RGS22: variants seen among roughly 807,000 people sequenced by gnomAD.
RGS22 encodes regulator of G-protein signaling 22.
A neutral mutation model predicts 172.9 loss-of-function variants in RGS22; 148 were observed. The ratio of observed to expected loss-of-function variants is 0.86; its 90% CI spans 0.75 to 0.98. The LOEUF (loss-of-function observed/expected upper bound fraction) is 0.98, where lower values mean the gene tolerates loss of function less well. RGS22 is among the 50% of genes least tolerant of loss of function. RGS22 has a pLI of 0.00. For missense variants in RGS22, 1,347 were observed against 1,440.8 expected (o/e 0.93, Z 1.05); for synonymous variants, 458 against 480.2 (o/e 0.95, Z 0.60).
At chr8:99,969,302 G>A (rs1328182257) in intron 23 of RGS22, among the ~76,000 whole-genome samples, 1 of 152,164 alleles carries the variant, frequency 6.6e-6, no homozygotes, top group Non-Finnish European at 1.5e-5. Flanking sequence ...AAAATGGAAA[G>A]ACCAATGACA....
At chr8:100,032,796 C>A (rs1158003552) in intron 14 of RGS22, among the ~76,000 whole-genome samples, 57 of 151,966 alleles carry the variant, frequency 3.8e-4, no homozygotes, top group Non-Finnish European at 6.9e-4. Flanking sequence ...ATGTAAAAGA[C>A]CAGAAATCAC....
intron 4 of RGS22, among the ~76,000 whole-genome samples, chr8:100,072,779 G>C (rs375648860): frequency 3.3e-5 from 5 of 151,640 alleles, no homozygotes; most frequent in African/African-American, 1.2e-4. Context: ...GGAGCCTACA[G>C]AGACACTCAA....
chr8:99,996,099 T>C (rs1814335499), intron 20 of RGS22, among the ~76,000 whole-genome samples: 3 of 15,368 alleles, frequency 2.0e-4, no homozygotes, highest in African/African-American at 2.9e-4. Context: ...CACCACACAC[T>C]GGGGCCTGTT....
Position 99,962,452 on chromosome 8 carries a change from G to A in RGS22, c.3791-9C>T. On this transcript the variant is annotated splice_polypyrimidine_tract_variant and intron_variant, in intron 26 of 27. Coordinates refer to ENST00000360863, the MANE Select transcript of RGS22 (RefSeq NM_015668.5). ...ACAAGAATGCTGTCACTCTGGAAAA[G>A]ACATGAAGTTTTATGTATATATTTA... The A allele has an allele frequency of 6.2e-7, 1 of 1,613,150 alleles. No homozygotes were observed. The highest frequency in any genetic ancestry group is 8.5e-7 in the Non-Finnish European group (1 of 1,179,194).
rs1232435396 is a variant in RGS22, at chr8:99,965,366, G to A, written c.3584C>T (p.Ser1195Phe). 2 of 1,613,500 alleles carry A rather than the reference G, an allele frequency of 1.2e-6. No homozygotes were observed. Among genetic ancestry groups the A allele is most frequent in the East Asian group, 2.2e-5 (1 of 44,858 alleles). The stretch of plus-strand genomic sequence containing the variant: ...GCCATATGGTTGGAGGCCTAGGAAG[G>A]AATCACTGAGTAAAGCAGTTTTGAT... ...PAIKTALLSD[S>F]FLGLQPYGRQ... Residue 1195 changes from serine to phenylalanine, a missense_variant, in exon 24 of 28, where the codon TCC becomes TTC. Physicochemically the swap from Ser to Phe is radical, Grantham distance 155. Coordinates refer to ENST00000360863, the MANE Select transcript of RGS22 (RefSeq NM_015668.5).
At chr8:100,004,883 T>C (rs1161815153) in intron 16 of RGS22, among the ~76,000 whole-genome samples, 4 of 151,844 alleles carry the variant, frequency 2.6e-5, no homozygotes, top group Admixed American at 6.6e-5. Context: ...TGACCTCTGA[T>C]GTTTTGTGAA....
At chr8:99,994,558 G>A (rs945368022) in intron 20 of RGS22, among the ~76,000 whole-genome samples, 1 of 151,980 alleles carries the variant, frequency 6.6e-6, no homozygotes, top group Non-Finnish European at 1.5e-5. Context: ...AACTGACAAG[G>A]GATATGAAGG....
At chr8:100,099,777 A>G (rs552000307) in intron 2 of RGS22, among the ~76,000 whole-genome samples, 2 of 152,286 alleles carry the variant, frequency 1.3e-5, no homozygotes, top group African/African-American at 4.8e-5. Context: ...GACCTGTCTT[A>G]GTTTCCTAAA....
chr8:100,011,345 A>C (rs1383055973), intron 14 of RGS22, among the ~76,000 whole-genome samples: 1 of 152,178 alleles, frequency 6.6e-6, no homozygotes, highest in African/African-American at 2.4e-5. Flanking sequence ...GCTAGACAAG[A>C]AATTATATGC....
chr8:99,984,647 C>G (rs943022075), intron 21 of RGS22, among the ~76,000 whole-genome samples: 1 of 152,162 alleles, frequency 6.6e-6, no homozygotes, highest in Non-Finnish European at 1.5e-5. Flanking sequence ...TTGTCTACCA[C>G]TCATTTGTCC....
intron 18 of RGS22, 140 bp downstream of exon 18, chr8:100,002,062 A>G (rs1031424272): frequency 3.7e-6 from 2 of 540,608 alleles, no homozygotes; most frequent in Admixed American, 3.9e-5. Flanking sequence ...ATAAATACCT[A>G]AATAAATATC....
At chr8:100,053,317 G>C (rs564678077) in intron 9 of RGS22, among the ~76,000 whole-genome samples, 1 of 152,010 alleles carries the variant, frequency 6.6e-6, no homozygotes, top group Non-Finnish European at 1.5e-5. Context: ...AGCTACTCAG[G>C]GGGGTGAGGC....
intron 19 of RGS22, among the ~76,000 whole-genome samples, chr8:99,996,909 AT>A (rs1232834518): frequency 1.1e-4 from 16 of 152,332 alleles, no homozygotes; most frequent in African/African-American, 3.6e-4. Flanking sequence ...CAACATGGAA[AT>A]ACAGTAGATA....
In RGS22 at chr8:99,997,503, G is replaced by C. The variant is rs144137140; in HGVS notation, c.2950-973C>G. 7.1e-3 allele frequency among the ~76,000 whole-genome samples: 1,082 copies of C among 152,260 alleles called. 15 individuals carry two copies. The highest frequency in any genetic ancestry group is 0.024 in the African/African-American group (1,002 of 41,550). On this transcript the variant is annotated intron_variant, in intron 19 of 27. Coordinates refer to ENST00000360863, the MANE Select transcript of RGS22 (RefSeq NM_015668.5). ...CCTTCTTCTTCATACTATAAATTCT[G>C]TCTTCCCAGCTGCATTGTGTTTTCC...
intron 21 of RGS22, among the ~76,000 whole-genome samples, chr8:99,986,402 A>G (rs1230852967): frequency 6.6e-6 from 1 of 152,226 alleles, no homozygotes; most frequent in East Asian, 1.9e-4. Flanking sequence ...CATATAATAT[A>G]TAGTTATAGG....
chr8:100,016,238 A>C (rs1022572576), intron 14 of RGS22, among the ~76,000 whole-genome samples: 1 of 152,216 alleles, frequency 6.6e-6, no homozygotes, highest in Non-Finnish European at 1.5e-5. Context: ...AACCAAGAAT[A>C]TACAATTTAG....
chr8:100,041,814 T>C lies in RGS22; in HGVS notation c.1926A>G (p.Thr642=). ...KPQLDRRYAY[T]EEPRVKTVSD... Reference sequence around the variant, plus strand: ...TCAAAACACTCACCCTAGGTTCTTCTGTATAAGCGTATCTTCTATCCAGCT... The same window carrying C: ...TCAAAACACTCACCCTAGGTTCTTCCGTATAAGCGTATCTTCTATCCAGCT... Residue 642 remains threonine (T), a synonymous_variant, in exon 12 of 28, where the codon ACA becomes ACG. Coordinates refer to ENST00000360863, the MANE Select transcript of RGS22 (RefSeq NM_015668.5). The C allele has an allele frequency of 6.2e-7, 1 of 1,600,654 alleles. No individual in the cohort carries two copies. The highest frequency in any genetic ancestry group is 8.6e-7 in the Non-Finnish European group (1 of 1,168,206).
chr8:99,966,637 CA>C (rs1442429449), intron 23 of RGS22, among the ~76,000 whole-genome samples: 1 of 152,050 alleles, frequency 6.6e-6, no homozygotes, highest in African/African-American at 2.4e-5. Context: ...CTATGCTTAA[CA>C]GAAATGGACA....
chr8:100,049,401 C>T (rs1821050120), intron 10 of RGS22, among the ~76,000 whole-genome samples: 2 of 151,972 alleles, frequency 1.3e-5, no homozygotes, highest in African/African-American at 4.8e-5. Context: ...ATGAGCTGTC[C>T]AACTAGATAA....
Sources: gnomAD v4.1 joint callset for allele counts (sites outside exome capture counted in the v4.1 genomes callset) on GRCh38, gnomAD v4.1.1 for gene constraint, MANE v1.5 for transcripts, NCBI Gene and HGNC (gene_info 2026-07-23, HGNC 2026-07-21) for gene names.